The following GALNT10 variants were observed in gnomAD, a reference collection of about 807,000 sequenced individuals.
The protein encoded by GALNT10 is GalNAc transferase 10.
GALNT10 carries 41 observed loss-of-function variants against 75.0 expected under a neutral mutation model. The ratio of observed to expected loss-of-function variants is 0.55; its 90% CI spans 0.43 to 0.71. GALNT10 has a LOEUF of 0.71. GALNT10 is among the 30% of genes least tolerant of loss of function. The pLI is 0.00. For missense variants in GALNT10, 727 were observed against 818.5 expected (o/e 0.89, Z 1.36); for synonymous variants, 302 against 313.0 (o/e 0.96, Z 0.37).
In GALNT10 at chr5:154,402,244, T is replaced by G. The variant is rs1756184811; in HGVS notation, c.1057-1860T>G. The stretch of plus-strand genomic sequence containing the variant: ...CCTCCCCTCCCATCCCTCTTCCCCT[T>G]TCTCCCTCTGCTCCTGCCCTGGCTT... On this transcript the variant is annotated intron_variant, in intron 7 of 11. Transcript: ENST00000297107. This position sits in a 1 kb window ranked among gnomAD's most constrained non-coding sequence, Gnocchi z 4.2. 6.6e-6 allele frequency among the ~76,000 whole-genome samples: 1 copy of G among 152,064 alleles called. No individual in the cohort carries two copies. Among genetic ancestry groups the G allele is most frequent in the African/African-American group, 2.4e-5 (1 of 41,416 alleles).
In GALNT10 at chr5:154,298,002, C is replaced by A. The variant is rs1280160046; in HGVS notation, c.324C>A (p.Tyr108Ter). 1 of 1,613,060 alleles carries A rather than the reference C, an allele frequency of 6.2e-7. No individual in the cohort carries two copies. Among genetic ancestry groups the A allele is most frequent in the Non-Finnish European group, 8.5e-7 (1 of 1,179,052 alleles). ...MTDAERVDQA[Y>*]RENGFNIYVS... is the part of the protein sequence containing the mutation. ...ATGCTGAGAGAGTGGATCAGGCATA[C>A]CGAGAAAATGGATTTAACATCTACG... The change falls in exon 3 of 12, where the codon TAC (tyrosine) becomes TAA (stop). Residue 108 changes from tyrosine (Y) to a stop codon, truncating the protein, a stop_gained. Coordinates refer to ENST00000297107, the MANE Select transcript of GALNT10 (RefSeq NM_198321.4). LOFTEE classifies it high-confidence loss of function. The surrounding 1 kb of genome is among the most constrained non-coding windows in gnomAD (Gnocchi z 4.1).
chr5:154,371,233 T>C (rs1404210804), intron 4 of GALNT10, among the ~76,000 whole-genome samples: 1 of 152,140 alleles, frequency 6.6e-6, no homozygotes, highest in African/African-American at 2.4e-5. Flanking sequence ...CAGATTTCTC[T>C]CTTCTTAAAA....
At chr5:154,323,584 C>T (rs1366653521) in intron 3 of GALNT10, among the ~76,000 whole-genome samples, 1 of 152,124 alleles carries the variant, frequency 6.6e-6, no homozygotes, top group African/African-American at 2.4e-5. Context: ...GCCAGCCAGG[C>T]AGTCAGGTGA....
chr5:154,253,841 C>T (rs1753566866), intron 1 of GALNT10, among the ~76,000 whole-genome samples: 1 of 150,978 alleles, frequency 6.6e-6, no homozygotes. Context: ...TTGTTCCTGT[C>T]CTGCTCAGTT....
At chr5:154,365,202 A>G (rs1274503054) in intron 4 of GALNT10, among the ~76,000 whole-genome samples, 1 of 152,184 alleles carries the variant, frequency 6.6e-6, no homozygotes, top group Non-Finnish European at 1.5e-5. Flanking sequence ...GGTGGATGTG[A>G]CTGCTTGAAG....
intron 3 of GALNT10, among the ~76,000 whole-genome samples, chr5:154,313,694 T>A (rs1037622598): frequency 2.0e-5 from 3 of 152,122 alleles, no homozygotes; most frequent in Non-Finnish European, 4.4e-5. Flanking sequence ...CCAGTCAGAC[T>A]GTGTTAAAGA....
At chr5:154,290,823 T>A (rs1052070040) in intron 1 of GALNT10, among the ~76,000 whole-genome samples, 2 of 152,174 alleles carry the variant, frequency 1.3e-5, no homozygotes, top group African/African-American at 4.8e-5. Context: ...TTGGGTAGCT[T>A]GGCTTGTTTG....
chr5:154,210,530 A>G (rs1052371270), intron 1 of GALNT10, among the ~76,000 whole-genome samples: 5 of 152,194 alleles, frequency 3.3e-5, no homozygotes, highest in Admixed American at 2.6e-4. Flanking sequence ...GCATTAAAGC[A>G]TATGTGTTAG....
intron 1 of GALNT10, among the ~76,000 whole-genome samples, chr5:154,250,257 G>A (rs1247027696): frequency 6.6e-6 from 1 of 152,084 alleles, no homozygotes; most frequent in Admixed American, 6.5e-5. Flanking sequence ...ACTATTTAAA[G>A]GCATTTTGGT....
chr5:154,377,742 A>G (rs1314644534), intron 5 of GALNT10, among the ~76,000 whole-genome samples: 2 of 152,346 alleles, frequency 1.3e-5, no homozygotes, highest in East Asian at 3.9e-4. Flanking sequence ...TCTGACCCCA[A>G]GGGTCTACGA....
Position 154,283,523 on chromosome 5 carries a change from AGG to A in GALNT10, c.160-11290_160-11289del, listed in dbSNP as rs377626615. 3.1e-3 allele frequency among the ~76,000 whole-genome samples: 477 copies of A among 152,282 alleles called. 2 individuals are homozygous for A. The highest frequency in any genetic ancestry group is 0.011 in the African/African-American group (462 of 41,566). Reference sequence around the variant, plus strand: ...GAGTGAGAGTGAGGTGGGATAGGTAAGGGGCTGGGTGCTGCCCAGGAGATTCA... The same window carrying A: ...GAGTGAGAGTGAGGTGGGATAGGTAAGGCTGGGTGCTGCCCAGGAGATTCA... On this transcript the variant is annotated intron_variant, in intron 1 of 11. Coordinates refer to ENST00000297107, the MANE Select transcript of GALNT10 (RefSeq NM_198321.4).
At chr5:154,375,828 C>T (rs1240936108) in intron 4 of GALNT10, among the ~76,000 whole-genome samples, 1 of 152,210 alleles carries the variant, frequency 6.6e-6, no homozygotes, top group East Asian at 1.9e-4. Context: ...CTGAAACAAT[C>T]ACTGTGGCCA....
chr5:154,304,077 T>A (rs1316476253), intron 3 of GALNT10, among the ~76,000 whole-genome samples: 1 of 152,100 alleles, frequency 6.6e-6, no homozygotes. Context: ...AAAAAAAAGA[T>A]TAATGAACTT....
At chr5:154,343,456 T>A (rs1039515304) in intron 4 of GALNT10, among the ~76,000 whole-genome samples, 9 of 152,102 alleles carry the variant, frequency 5.9e-5, no homozygotes, top group Admixed American at 2.0e-4. Context: ...ACTCTATAAA[T>A]ACAAGGAGGC....
Position 154,190,743 on chromosome 5 carries a change from G to A in GALNT10, c.-124G>A, listed in dbSNP as rs533371570. 265 of 277,002 alleles carry A rather than the reference G, an allele frequency of 9.6e-4. 1 individual carries two copies. The highest frequency in any genetic ancestry group is 6.0e-3 in the African/African-American group (261 of 43,566). 17.2% of individuals were successfully genotyped at this position (277,002 alleles called of 1,614,324 possible). ...GGCGGAAGTGCCGCGGAGTTGGAGC[G>A]GGGCCGGCGCCGCAGCCGCTTCTGC... On this transcript the variant is annotated 5_prime_UTR_variant, in exon 1 of 12. Coordinates refer to ENST00000297107, the MANE Select transcript of GALNT10 (RefSeq NM_198321.4).
rs1359437444 is a variant in GALNT10 at position 154,402,962 on chromosome 5, CGA to C, written c.1057-1140_1057-1139del. The stretch of plus-strand genomic sequence containing the variant: ...AGGCATCTACACAGGGGCACAAATA[CGA>C]GGAGGCAGGGATTGTGAGGCCACTT... On this transcript the variant is annotated intron_variant, in intron 7 of 11. Coordinates refer to ENST00000297107, the MANE Select transcript of GALNT10 (RefSeq NM_198321.4). The surrounding 1 kb of genome is among the most constrained non-coding windows in gnomAD (Gnocchi z 4.2). 2 of 152,404 alleles carry C rather than the reference CGA, an allele frequency of 1.3e-5. No homozygotes were observed. The highest frequency in any genetic ancestry group is 4.8e-5 in the African/African-American group (2 of 41,452). 9.4% of individuals were successfully genotyped at this position (152,404 alleles called of 1,614,324 possible).
intron 4 of GALNT10, among the ~76,000 whole-genome samples, chr5:154,371,739 C>T (rs1755573062): frequency 6.6e-6 from 1 of 152,030 alleles, no homozygotes; most frequent in Admixed American, 6.5e-5. Flanking sequence ...GTGATGTTAC[C>T]TGCCTGCCCC....
At chr5:154,258,886 T>C (rs1753655706) in intron 1 of GALNT10, among the ~76,000 whole-genome samples, 1 of 152,122 alleles carries the variant, frequency 6.6e-6, no homozygotes, top group Non-Finnish European at 1.5e-5. Flanking sequence ...GATTAAAGTG[T>C]TTTTAGTTAC....
intron 10 of GALNT10, among the ~76,000 whole-genome samples, chr5:154,414,261 TTA>T (rs1442065776): frequency 6.6e-6 from 1 of 152,196 alleles, no homozygotes; most frequent in East Asian, 1.9e-4. Flanking sequence ...TCCTAGGTAT[TTA>T]TCCAAGAGAA....
Sources: gnomAD v4.1 joint callset for allele counts (sites outside exome capture counted in the v4.1 genomes callset) on GRCh38, gnomAD v4.1.1 for gene constraint, Gnocchi (gnomAD v3.1) non-coding constraint, MANE v1.5 for transcripts, NCBI Gene and HGNC (gene_info 2026-07-23, HGNC 2026-07-21) for gene names.